Variants in DNAH9 observed in about 807,000 individuals in gnomAD.
The protein encoded by DNAH9 is dynein axonemal heavy chain 9.
In DNAH9, 345 loss-of-function variants were observed where a neutral mutation model predicts 471.6. That is an observed-to-expected ratio of 0.73 (90% CI 0.67 to 0.80). The LOEUF (loss-of-function observed/expected upper bound fraction) is 0.80. Ranked by LOEUF, DNAH9 falls within the 30% of genes least tolerant of loss-of-function variation. The pLI is 0.00. For synonymous variants in DNAH9, 2,093 were observed against 2,123.6 expected (o/e 0.99, Z 0.40); for missense variants, 5,407 against 5,609.2 (o/e 0.96, Z 1.15).
chr17:11,969,261 G>T (rs1184746525), intron 68 of DNAH9, 39 bp from the exon 69 acceptor site: 2 of 1,585,566 alleles, frequency 1.3e-6, no homozygotes, highest in South Asian at 1.1e-5. Context: ...TGGGCTCTGG[G>T]TCTGATCTAA....
At chr17:11,688,852 C>A (rs1213939669) in intron 19 of DNAH9, among the ~76,000 whole-genome samples, 1 of 152,146 alleles carries the variant, frequency 6.6e-6, no homozygotes, top group African/African-American at 2.4e-5. Flanking sequence ...AATCCCAGCA[C>A]TTTTGGAGGC....
chr17:11,941,775 TTAGA>T (rs1475675538), intron 66 of DNAH9, among the ~76,000 whole-genome samples: 16 of 152,006 alleles, frequency 1.1e-4, no homozygotes, highest in South Asian at 4.2e-4. Flanking sequence ...GAATGACAGA[TTAGA>T]TAGATGATAG....
At chr17:11,803,760 A>G (rs192807532) in intron 43 of DNAH9, among the ~76,000 whole-genome samples, 105 of 152,272 alleles carry the variant, frequency 6.9e-4, no homozygotes, top group Non-Finnish European at 1.1e-3. Flanking sequence ...AGGCCTTCAG[A>G]ATAGGGCTGG....
intron 45 of DNAH9, among the ~76,000 whole-genome samples, chr17:11,811,563 C>CGTGATGTG (rs1969902179): frequency 6.6e-6 from 1 of 152,120 alleles, no homozygotes; most frequent in Non-Finnish European, 1.5e-5. Context: ...GCTGTTGACC[C>CGTGATGTG]AGCATTCAGC....
At chr17:11,841,471 G>A (rs576890103) in intron 49 of DNAH9, among the ~76,000 whole-genome samples, 1 of 152,284 alleles carries the variant, frequency 6.6e-6, no homozygotes, top group South Asian at 2.1e-4. Context: ...TGAGAGGAGG[G>A]TAGGGGAACA....
chr17:11,871,493 C>G, intron 51 of DNAH9, 105 bp from the exon 52 acceptor site: 3 of 1,014,020 alleles, frequency 3.0e-6, no homozygotes, highest in Non-Finnish European at 4.5e-6. Context: ...TATTCTGCCT[C>G]TTCCCGCTAT....
Position 11,598,718 on chromosome 17 carries a change from G to A in DNAH9, c.220G>A (p.Val74Met), listed in dbSNP as rs1484268079. The A allele has an allele frequency of 5.8e-6, 8 of 1,382,512 alleles. 1 individual carries two copies. The highest frequency in any genetic ancestry group is 7.3e-5 in the Admixed American group (2 of 27,572). The allele number at this position is 1,382,512 out of a possible 1,614,324, so 85.6% of individuals were successfully genotyped here. A position where few individuals can be genotyped will look rare whatever the true frequency, so the allele number is the denominator to read the frequency against. Reference sequence around the variant, plus strand: ...CGAGGGGCCGCGGCCGCTGCTGGTGGTGCGGCCCGGGCCCAGGGGCCTGGC... The same window carrying A: ...CGAGGGGCCGCGGCCGCTGCTGGTGATGCGGCCCGGGCCCAGGGGCCTGGC... ...AAEGPRPLLV[V>M]RPGPRGLAIR... Residue 74 changes from valine (V) to methionine (M), a missense_variant, in exon 1 of 69, where the codon GTG (valine) becomes ATG (methionine). By Grantham distance (21) the Val-to-Met change is conservative. Coordinates refer to ENST00000262442, the MANE Select transcript of DNAH9 (RefSeq NM_001372.4).
At chr17:11,654,374 A>AAAAAAAAAAAAG (rs1353333314) in intron 14 of DNAH9, among the ~76,000 whole-genome samples, 1 of 57,760 alleles carries the variant, frequency 1.7e-5, no homozygotes, top group Non-Finnish European at 4.1e-5. Flanking sequence ...AAAAAAAAAA[A>AAAAAAAAAAAAG]AAAAGTTTAA....
chr17:11,672,310 T>A (rs1433556697), intron 17 of DNAH9, among the ~76,000 whole-genome samples: 1 of 152,214 alleles, frequency 6.6e-6, no homozygotes, highest in Non-Finnish European at 1.5e-5. Flanking sequence ...CAGCAGCAAA[T>A]GCCCACTGTC....
intron 8 of DNAH9, among the ~76,000 whole-genome samples, chr17:11,634,761 C>T (rs76919694): frequency 0.025 from 3,784 of 152,280 alleles, 146 homozygotes; most frequent in African/African-American, 0.084. Context: ...ACCTGGAAAA[C>T]ATCTGGCCAA....
intron 49 of DNAH9, among the ~76,000 whole-genome samples, chr17:11,843,863 G>GTGTATATATATATATATATA (rs1253794533): frequency 4.3e-5 from 2 of 46,464 alleles, no homozygotes; most frequent in African/African-American, 8.1e-5. Context: ...GTGTGTGTGT[G>GTGTATATATATATATATATA]TATATATATA....
chr17:11,713,991 G>T (rs926914283), intron 26 of DNAH9, among the ~76,000 whole-genome samples: 3 of 152,154 alleles, frequency 2.0e-5, no homozygotes, highest in Admixed American at 6.6e-5. Flanking sequence ...ATTAGCATAG[G>T]CAAAGGAAAA....
intron 13 of DNAH9, 36 bp from the exon 14 acceptor site, chr17:11,652,725 G>T: frequency 6.2e-7 from 1 of 1,605,116 alleles, no homozygotes; most frequent in Non-Finnish European, 8.5e-7. Flanking sequence ...GCCACTGCAG[G>T]CTATTTCAAT....
intron 68 of DNAH9, among the ~76,000 whole-genome samples, chr17:11,966,362 ACT>A (rs1309142819): frequency 6.6e-6 from 1 of 152,178 alleles, no homozygotes; most frequent in Non-Finnish European, 1.5e-5. Context: ...CTGCAGCAAA[ACT>A]CTCTTTCAAA....
At chr17:11,832,154 T>C (rs1202635749) in intron 48 of DNAH9, among the ~76,000 whole-genome samples, 2 of 152,212 alleles carry the variant, frequency 1.3e-5, no homozygotes, top group African/African-American at 4.8e-5. Flanking sequence ...AGCCATAAAA[T>C]GGACCTGAGT....
intron 59 of DNAH9, among the ~76,000 whole-genome samples, chr17:11,902,118 G>A (rs1466057351): frequency 2.0e-5 from 3 of 152,214 alleles, no homozygotes; most frequent in African/African-American, 7.2e-5. Context: ...TCCAAGGTTG[G>A]GAGCAGATAT....
intron 67 of DNAH9, among the ~76,000 whole-genome samples, chr17:11,947,772 A>AAAAT (rs1555528615): frequency 9.2e-6 from 1 of 108,338 alleles, no homozygotes; most frequent in African/African-American, 3.9e-5. Context: ...GCTGGGAACT[A>AAAAT]TTTTTTTTTT....
intron 48 of DNAH9, 92 bp downstream of exon 48, chr17:11,823,126 C>A: frequency 9.2e-7 from 1 of 1,086,174 alleles, no homozygotes; most frequent in Non-Finnish European, 1.3e-6. Flanking sequence ...CAATCAAGAT[C>A]TGAAAAATAT....
At chr17:11,890,835 G>A (rs1218932279) in intron 57 of DNAH9, among the ~76,000 whole-genome samples, 2 of 152,056 alleles carry the variant, frequency 1.3e-5, no homozygotes, top group Non-Finnish European at 2.9e-5. Flanking sequence ...AACTACAGGT[G>A]TGTGTCACCA....
Sources: gnomAD v4.1 joint callset for allele counts (sites outside exome capture counted in the v4.1 genomes callset) on GRCh38, gnomAD v4.1.1 for gene constraint, MANE v1.5 for transcripts, NCBI Gene and HGNC (gene_info 2026-07-23, HGNC 2026-07-21) for gene names.